TMEM116: variants seen among roughly 807,000 people sequenced by gnomAD.
The protein encoded by TMEM116 is transmembrane protein 116.
Under a neutral mutation model 44.3 loss-of-function variants are expected in TMEM116, and 38 were observed. The observed-to-expected ratio is 0.86, with a 90% CI of 0.66 to 1.12. The LOEUF (loss-of-function observed/expected upper bound fraction) is 1.12, where lower values mean the gene tolerates loss of function less well. Ranked by LOEUF, TMEM116 falls within the 50% of genes most tolerant of loss-of-function variation. TMEM116 has a pLI of 0.00. For missense variants in TMEM116, 354 were observed against 401.7 expected, an observed-to-expected ratio of 0.88 and a Z score of 1.01; for synonymous variants, 132 against 144.8, an observed-to-expected ratio of 0.91 and a Z score of 0.64.
intron 8 of TMEM116, chr12:111,934,419 G>A (rs1045757507): frequency 6.3e-6 from 1 of 158,320 alleles, no homozygotes; most frequent in Non-Finnish European, 1.4e-5. Context: ...TAACACTTCA[G>A]CACCATGGCT....
chr12:111,954,112 T>C (rs926912112), intron 4 of TMEM116, among the ~76,000 whole-genome samples: 1 of 152,172 alleles, frequency 6.6e-6, no homozygotes, highest in African/African-American at 2.4e-5. Context: ...AAAAATTTAA[T>C]CTCCTTTGAT....
chr12:112,009,534 T>TCA (rs1565981388), intron 1 of TMEM116, among the ~76,000 whole-genome samples: 1,768 of 135,586 alleles, frequency 0.013, 46 homozygotes, highest in African/African-American at 0.053. Context: ...ATGGGTTTAC[T>TCA]TAAAAAAAAA....
At chr12:111,932,899 A>G (rs2136216278) in intron 9 of TMEM116, among the ~76,000 whole-genome samples, 1 of 152,310 alleles carries the variant, frequency 6.6e-6, no homozygotes, top group African/African-American at 2.4e-5. Flanking sequence ...GGAAGGTAAT[A>G]ATTTATACTT....
intron 4 of TMEM116, among the ~76,000 whole-genome samples, chr12:111,980,029 CA>C (rs1302099412): frequency 2.6e-5 from 4 of 152,180 alleles, no homozygotes; most frequent in African/African-American, 9.7e-5. Flanking sequence ...CAATTTCTTA[CA>C]AAGCCAAACA....
chr12:111,988,478 G>A (rs1593556238), intron 4 of TMEM116, among the ~76,000 whole-genome samples: 1 of 151,320 alleles, frequency 6.6e-6, no homozygotes, highest in African/African-American at 2.4e-5. Flanking sequence ...TGGATCACGA[G>A]GTCAGGAGAT....
intron 3 of TMEM116, among the ~76,000 whole-genome samples, chr12:111,994,142 A>G (rs1457751135): frequency 6.6e-6 from 1 of 152,240 alleles, no homozygotes; most frequent in Non-Finnish European, 1.5e-5. Context: ...TATATTTGAC[A>G]GTGTAGGAAA....
chr12:111,968,039 G>C (rs902914168), intron 4 of TMEM116, among the ~76,000 whole-genome samples: 2 of 151,710 alleles, frequency 1.3e-5, no homozygotes, highest in Non-Finnish European at 2.9e-5. Context: ...AAGGTAGCTA[G>C]AATTCATTGG....
intron 3 of TMEM116, chr12:111,993,567 C>G: frequency 1.8e-6 from 1 of 543,746 alleles, no homozygotes; most frequent in Non-Finnish European, 3.6e-6. Flanking sequence ...CAGGTTAGAC[C>G]AAGACTTTGA....
chr12:111,950,181 T>C (rs1007116384), intron 4 of TMEM116, among the ~76,000 whole-genome samples: 5 of 152,014 alleles, frequency 3.3e-5, no homozygotes, highest in African/African-American at 1.2e-4. Flanking sequence ...AAAGAAATTT[T>C]AAGAGATGGG....
At chr12:111,957,586 C>CCCCCGCCCGGCCAGCCG (rs1209318054) in intron 4 of TMEM116, among the ~76,000 whole-genome samples, 6 of 151,040 alleles carry the variant, frequency 4.0e-5, no homozygotes, top group Admixed American at 3.9e-4. Context: ...TGGGGGCCAG[C>CCCCCGCCCGGCCAGCCG]CCCCGCCCGG....
At chr12:111,946,503 T>A (rs1427324113) in intron 4 of TMEM116, among the ~76,000 whole-genome samples, 6 of 152,238 alleles carry the variant, frequency 3.9e-5, no homozygotes, top group Admixed American at 6.5e-5. Context: ...AAGGCGCAGA[T>A]CGCTCAGGAT....
intron 4 of TMEM116, among the ~76,000 whole-genome samples, chr12:111,960,166 C>G: frequency 6.6e-6 from 1 of 152,264 alleles, no homozygotes; most frequent in East Asian, 1.9e-4. Context: ...GACAACAGTG[C>G]AATCAAATTA....
At chr12:111,939,051 T>G (rs2072433189) in intron 5 of TMEM116, among the ~76,000 whole-genome samples, 1 of 152,180 alleles carries the variant, frequency 6.6e-6, no homozygotes, top group Non-Finnish European at 1.5e-5. Context: ...TTGTTTTTTG[T>G]GACCCCTCCC....
At chr12:112,011,293 AG>A (rs939476390) in intron 1 of TMEM116, 4 of 152,404 alleles carry the variant, frequency 2.6e-5, no homozygotes, top group African/African-American at 9.6e-5. Flanking sequence ...TGCCATCAAT[AG>A]GGCAAACTCA....
chr12:111,956,336 C>T (rs2074083845), intron 4 of TMEM116, among the ~76,000 whole-genome samples: 1 of 152,128 alleles, frequency 6.6e-6, no homozygotes, highest in African/African-American at 2.4e-5. Context: ...CAAAAATATT[C>T]GTGTGTCCTG....
chr12:111,963,573 C>T (rs2074763663), intron 4 of TMEM116, among the ~76,000 whole-genome samples: 1 of 152,040 alleles, frequency 6.6e-6, no homozygotes, highest in African/African-American at 2.4e-5. Flanking sequence ...AACACAAGAA[C>T]AGAAAACCAA....
At chr12:111,967,855 G>C (rs562636601) in intron 4 of TMEM116, among the ~76,000 whole-genome samples, 2 of 152,252 alleles carry the variant, frequency 1.3e-5, no homozygotes, top group South Asian at 2.1e-4. Flanking sequence ...CCAGACATCA[G>C]ACAACAAAGG....
In TMEM116 at chr12:111,992,140, T is replaced by C. The variant is rs2076645034; in HGVS notation, c.79-251A>G. Among the ~76,000 whole-genome samples, 4 of 152,156 alleles carry C rather than the reference T, an allele frequency of 2.6e-5. No homozygotes were observed. In the South Asian group the frequency reaches 8.3e-4, roughly 32 times the overall value. On this transcript the variant is annotated intron_variant, in intron 3 of 10. Transcript: ENST00000552374. ...TGGATAGATTAGTACTGAACCTTCT[T>C]ACTCACAGGGACACTCCTTTCTTAG...
At chr12:111,987,908 G>T (rs1008342200) in intron 4 of TMEM116, among the ~76,000 whole-genome samples, 1 of 151,846 alleles carries the variant, frequency 6.6e-6, no homozygotes, top group African/African-American at 2.4e-5. Flanking sequence ...CATCTAAAAG[G>T]TGGAAGCAAC....
Sources: allele counts gnomAD v4.1 joint callset (sites outside exome capture counted in the v4.1 genomes callset), GRCh38; gene constraint gnomAD v4.1.1; transcripts MANE v1.5; gene names NCBI Gene and HGNC (gene_info 2026-07-23, HGNC 2026-07-21).